Variants in ZNF148 observed in about 807,000 individuals in gnomAD.
The protein encoded by ZNF148 is zinc finger protein 148, also known as Beta-Enolase Repressor Factor-1.
ZNF148 carries 7 observed loss-of-function variants against 67.7 expected under a neutral mutation model. That is an observed-to-expected ratio of 0.10 (90% CI 0.06 to 0.19). The LOEUF is 0.19. Among genes scored for constraint, ZNF148 ranks in the 10% least tolerant of loss-of-function variants. The pLI, the probability that ZNF148 is intolerant of heterozygous loss-of-function variation, is 1.00. For synonymous variants in ZNF148, 333 were observed against 330.7 expected (o/e 1.01, Z -0.08); for missense variants, 583 against 947.1 (o/e 0.62, Z 5.05).
chr3:125,368,503 T>C (rs889938753), intron 1 of ZNF148, among the ~76,000 whole-genome samples: 3 of 152,254 alleles, frequency 2.0e-5, no homozygotes, highest in African/African-American at 7.2e-5. Flanking sequence ...GTTTCTGTGA[T>C]TAACTGGATT....
At chr3:125,282,561 A>G (rs992109513) in intron 5 of ZNF148, among the ~76,000 whole-genome samples, 1 of 152,142 alleles carries the variant, frequency 6.6e-6, no homozygotes, top group Non-Finnish European at 1.5e-5. Flanking sequence ...TCAACACACT[A>G]CATTTTTTTT....
At chr3:125,238,833 C>A (rs924701613) in intron 7 of ZNF148, among the ~76,000 whole-genome samples, 1 of 152,046 alleles carries the variant, frequency 6.6e-6, no homozygotes, top group African/African-American at 2.4e-5. Flanking sequence ...CAGAATTATT[C>A]AAAATAGACA....
chr3:125,286,426 C>CATCT (rs1277213258), intron 5 of ZNF148, among the ~76,000 whole-genome samples: 3 of 152,154 alleles, frequency 2.0e-5, no homozygotes, highest in African/African-American at 7.2e-5. Flanking sequence ...AGAATGCAGA[C>CATCT]AGATACACCT....
At chr3:125,278,933 C>T (rs1188742057) in intron 6 of ZNF148, among the ~76,000 whole-genome samples, 191 bp downstream of exon 6, 1 of 152,108 alleles carries the variant, frequency 6.6e-6, no homozygotes, top group Non-Finnish European at 1.5e-5. Context: ...ATTAATTTTA[C>T]ACATCCATGC....
Position 125,279,253 on chromosome 3 carries a change from TC to T in ZNF148, c.460-7del. ...TCCTCATTTATTGTAAGGATCTAGTTCAAAAAAAAAAAGGCAAAAACAAAAG... is the reference window on the plus strand; with the variant it reads ...TCCTCATTTATTGTAAGGATCTAGTTAAAAAAAAAAAGGCAAAAACAAAAG... On this transcript the variant is annotated splice_polypyrimidine_tract_variant and splice_region_variant and intron_variant, in intron 5 of 8. Transcript: ENST00000360647. 1 of 1,012,006 alleles carries T rather than the reference TC, an allele frequency of 9.9e-7. No homozygotes were observed. Among genetic ancestry groups the T allele is most frequent in the Admixed American group, 3.9e-5 (1 of 25,878 alleles). The allele number at this position is 1,012,006 out of a possible 1,614,324, so 62.7% of individuals were successfully genotyped here.
At chr3:125,280,910 GAA>G (rs959459793) in intron 5 of ZNF148, among the ~76,000 whole-genome samples, 1 of 152,052 alleles carries the variant, frequency 6.6e-6, no homozygotes, top group Non-Finnish European at 1.5e-5. Context: ...CAAAGGTAGA[GAA>G]ATCTGGGAAA....
At chr3:125,327,324 T>A (rs1941073688) in intron 2 of ZNF148, among the ~76,000 whole-genome samples, 1 of 151,948 alleles carries the variant, frequency 6.6e-6, no homozygotes, top group Non-Finnish European at 1.5e-5. Flanking sequence ...TCTAAATAAG[T>A]GACAGAATAA....
intron 7 of ZNF148, among the ~76,000 whole-genome samples, chr3:125,248,372 T>G (rs1335217061): frequency 1.3e-5 from 2 of 152,198 alleles, no homozygotes; most frequent in African/African-American, 2.4e-5. Context: ...AGCTCAGCAG[T>G]GAAGGCTACA....
intron 1 of ZNF148, among the ~76,000 whole-genome samples, chr3:125,346,774 C>G (rs1397971503): frequency 6.6e-6 from 1 of 152,112 alleles, no homozygotes; most frequent in Non-Finnish European, 1.5e-5. Flanking sequence ...CCAATTAAAC[C>G]TCTTTATAAA....
intron 1 of ZNF148, chr3:125,338,689 A>G (rs1207166552): frequency 1.4e-5 from 2 of 145,150 alleles, no homozygotes; most frequent in African/African-American, 5.1e-5. Context: ...AAAAACTATC[A>G]CAAGTCAAAA....
At chr3:125,362,814 C>T (rs1942585743) in intron 1 of ZNF148, among the ~76,000 whole-genome samples, 2 of 152,278 alleles carry the variant, frequency 1.3e-5, no homozygotes, top group South Asian at 2.1e-4. Flanking sequence ...CTCAGCCTCC[C>T]GAACTGCTGA....
chr3:125,357,504 G>A (rs996448911), intron 1 of ZNF148, among the ~76,000 whole-genome samples: 41 of 152,258 alleles, frequency 2.7e-4, no homozygotes, highest in South Asian at 4.1e-4. Flanking sequence ...GCGCCCACTC[G>A]CCCAGCCACG....
intron 7 of ZNF148, among the ~76,000 whole-genome samples, chr3:125,245,750 T>C (rs1185974580): frequency 6.6e-6 from 1 of 152,240 alleles, no homozygotes; most frequent in Non-Finnish European, 1.5e-5. Flanking sequence ...CATCCTGTGG[T>C]CTAGCCTATC....
intron 7 of ZNF148, among the ~76,000 whole-genome samples, chr3:125,255,891 G>C (rs557815118): frequency 1.3e-5 from 2 of 151,462 alleles, no homozygotes; most frequent in African/African-American, 2.4e-5. Flanking sequence ...TTGGTCTTTA[G>C]TTTTCAGCTG....
chr3:125,263,300 C>T (rs1937423403), intron 7 of ZNF148, among the ~76,000 whole-genome samples: 1 of 152,142 alleles, frequency 6.6e-6, no homozygotes, highest in African/African-American at 2.4e-5. Flanking sequence ...CCTGTAATCC[C>T]AGGACTTTGG....
intron 7 of ZNF148, among the ~76,000 whole-genome samples, chr3:125,246,533 C>G (rs1936606583): frequency 6.6e-6 from 1 of 151,748 alleles, no homozygotes; most frequent in Non-Finnish European, 1.5e-5. Flanking sequence ...TAGAATATAC[C>G]TCAGAGCCAA....
intron 7 of ZNF148, among the ~76,000 whole-genome samples, chr3:125,273,369 CAG>C: frequency 6.6e-6 from 1 of 152,080 alleles, no homozygotes; most frequent in East Asian, 1.9e-4. Context: ...TATATTTTTA[CAG>C]AGAGAACTGT....
At chr3:125,330,925 T>C (rs1224413153) in intron 2 of ZNF148, among the ~76,000 whole-genome samples, 2 of 152,156 alleles carry the variant, frequency 1.3e-5, no homozygotes, top group Non-Finnish European at 2.9e-5. Flanking sequence ...GAGAAGATAA[T>C]TGACTTCATC....
chr3:125,323,205 C>G, intron 3 of ZNF148, 104 bp downstream of exon 3: 1 of 414,294 alleles, frequency 2.4e-6, no homozygotes, highest in Non-Finnish European at 4.3e-6. Context: ...CTTTAAGAAA[C>G]TATTATATAA....
Sources: allele counts gnomAD v4.1 joint callset (sites outside exome capture counted in the v4.1 genomes callset), GRCh38; gene constraint gnomAD v4.1.1; transcripts MANE v1.5; gene names NCBI Gene and HGNC (gene_info 2026-07-23, HGNC 2026-07-21).